LRSAM1: variants seen among roughly 807,000 people sequenced by gnomAD.
LRSAM1 encodes the protein E3 ubiquitin-protein ligase LRSAM1.
Under a neutral mutation model 118.1 loss-of-function variants are expected in LRSAM1, and 96 were observed. The ratio of observed to expected loss-of-function variants is 0.81; its 90% CI spans 0.69 to 0.96. The LOEUF is 0.96. Among genes scored for constraint, LRSAM1 ranks in the 40% least tolerant of loss-of-function variants. The probability of loss-of-function intolerance (pLI) is 0.00; values close to 1 mark genes in which losing one functional copy is unlikely to be tolerated. For synonymous variants in LRSAM1, 322 were observed against 364.2 expected, an observed-to-expected ratio of 0.88 and a Z score of 1.32; for missense variants, 804 against 915.5, an observed-to-expected ratio of 0.88 and a Z score of 1.57.
At chr9:127,489,069 C>G (rs1835833496) in intron 18 of LRSAM1, among the ~76,000 whole-genome samples, 1 of 152,176 alleles carries the variant, frequency 6.6e-6, no homozygotes, top group Non-Finnish European at 1.5e-5. Context: ...TTCTCCATTT[C>G]TCAGAGGAGG....
At chr9:127,490,759 A>T (rs1442835467) in intron 19 of LRSAM1, among the ~76,000 whole-genome samples, 1 of 152,184 alleles carries the variant, frequency 6.6e-6, no homozygotes, top group Non-Finnish European at 1.5e-5. Flanking sequence ...AAGACATACC[A>T]GCTACTACTA....
chr9:127,501,500 GGC>G (rs1836392025), intron 25 of LRSAM1, among the ~76,000 whole-genome samples: 1 of 152,154 alleles, frequency 6.6e-6, no homozygotes, highest in Non-Finnish European at 1.5e-5. Flanking sequence ...TGGAGGCCAA[GGC>G]AGGTGGATCA....
intron 10 of LRSAM1, among the ~76,000 whole-genome samples, chr9:127,469,320 A>G (rs1835076495): frequency 6.6e-6 from 1 of 152,054 alleles, no homozygotes; most frequent in Non-Finnish European, 1.5e-5. Flanking sequence ...AAATACAAAA[A>G]CTAACTGGGC....
intron 20 of LRSAM1, 106 bp from the exon 21 acceptor site, chr9:127,492,696 C>T: frequency 9.7e-7 from 1 of 1,032,332 alleles, no homozygotes; most frequent in Non-Finnish European, 1.5e-6. Flanking sequence ...AGGCATTGGG[C>T]AGAGAACCGA....
At chr9:127,454,944 A>G (rs1197907908) in intron 3 of LRSAM1, 54 bp from the exon 4 acceptor site, 2 of 1,535,780 alleles carry the variant, frequency 1.3e-6, no homozygotes, top group Non-Finnish European at 1.8e-6. Flanking sequence ...TGGCTTGTCC[A>G]CTCTGCAAAG....
chr9:127,499,380 C>CA (rs1313346674), intron 24 of LRSAM1, among the ~76,000 whole-genome samples: 4 of 150,710 alleles, frequency 2.7e-5, no homozygotes, highest in South Asian at 2.1e-4. Flanking sequence ...AAAAACAAAA[C>CA]AAAAAAATTA....
In LRSAM1 at chr9:127,489,468, G is replaced by A. The variant is rs751875555; in HGVS notation, c.1372G>A (p.Glu458Lys). The A allele has an allele frequency of 1.4e-5, 22 of 1,609,824 alleles. No homozygotes were observed. Among genetic ancestry groups the A allele is most frequent in the African/African-American group, 4.0e-5 (3 of 74,938 alleles). The change falls in exon 19 of 26, where the codon GAG becomes AAG. Residue 458 changes from glutamate (E) to lysine (K), a missense_variant. By Grantham distance (56) the Glu-to-Lys change is moderately conservative. Coordinates refer to ENST00000300417, the MANE Select transcript of LRSAM1 (RefSeq NM_001005373.4). Reference protein sequence around the residue: ...QESAMQKAAFEALQVKKDLMH... With the variant: ...QESAMQKAAFKALQVKKDLMH... ...GAGCGCGATGCAGAAGGCTGCGTTC[G>A]AGGCACTCCAGGTGAAGAAAGACCT...
intron 17 of LRSAM1, 104 bp from the exon 18 acceptor site, chr9:127,487,572 C>T (rs989059511): frequency 2.9e-6 from 3 of 1,033,882 alleles, no homozygotes; most frequent in Non-Finnish European, 1.5e-6. Flanking sequence ...TGAATGTGGT[C>T]CACTGAAGAA....
intron 9 of LRSAM1, among the ~76,000 whole-genome samples, chr9:127,466,504 A>ATAT (rs1554755061): frequency 2.7e-3 from 65 of 24,518 alleles, no homozygotes; most frequent in Non-Finnish European, 3.7e-3. Flanking sequence ...ATATATATAT[A>ATAT]TTTTTTTTTT....
rs1431053153 is a variant in LRSAM1 at position 127,465,848 on chromosome 9, C to T, written c.529-1892C>T. On this transcript the variant is annotated intron_variant, in intron 9 of 25. Transcript: ENST00000300417. The surrounding 1 kb of genome is among the most constrained non-coding windows in gnomAD (Gnocchi z 4.1). The stretch of plus-strand genomic sequence containing the variant: ...TTGGCAGCGGGAGGGCAGGGTCCAA[C>T]ACAACTCACACCGTGGATGGGGCAG... Among the ~76,000 whole-genome samples, 1 of 152,212 alleles carries T rather than the reference C, an allele frequency of 6.6e-6. No individual in the cohort carries two copies. Among genetic ancestry groups the T allele is most frequent in the African/African-American group, 2.4e-5 (1 of 41,444 alleles).
chr9:127,480,017 C>T, intron 14 of LRSAM1, 39 bp downstream of exon 14: 2 of 1,614,036 alleles, frequency 1.2e-6, no homozygotes, highest in African/African-American at 1.3e-5. Context: ...CAGAGTCCTT[C>T]CCCGTGCAGT....
chr9:127,502,961 C>T lies in LRSAM1; in HGVS notation c.*62C>T. 6.5e-7 allele frequency: 1 copy of T among 1,548,534 alleles called. No individual in the cohort carries two copies. Among genetic ancestry groups the T allele is most frequent in the Non-Finnish European group, 8.7e-7 (1 of 1,147,616 alleles). ...CCTCGGCCACTGTGAGCCCCGGGCT[C>T]CTGCTCAGCCTTGTGCCAGCCAGAC... On this transcript the variant is annotated 3_prime_UTR_variant, in exon 26 of 26. Transcript: ENST00000300417.
At chr9:127,467,082 C>T (rs796292251) in intron 9 of LRSAM1, among the ~76,000 whole-genome samples, 2 of 152,088 alleles carry the variant, frequency 1.3e-5, no homozygotes, top group South Asian at 2.1e-4. Flanking sequence ...TTGAGGAGTC[C>T]TTTATTAGCT....
At chr9:127,451,751 C>T (rs1834329271) in intron 1 of LRSAM1, 82 bp downstream of exon 1, 1 of 198,066 alleles carries the variant, frequency 5.0e-6, no homozygotes, top group Admixed American at 5.5e-5. Context: ...TTCCGAGACC[C>T]CAGTACCGCG....
Position 127,479,394 on chromosome 9 carries a change from G to A in LRSAM1, c.792G>A (p.Met264Ile), listed in dbSNP as rs773572737. 3 of 1,614,212 alleles carry A rather than the reference G, an allele frequency of 1.9e-6. No homozygotes were observed. Among genetic ancestry groups the A allele is most frequent in the Admixed American group, 3.3e-5 (2 of 60,026 alleles). ...TCTGTGTCTTGCAGGAACAGAAGAT[G>A]CTGGAGAAACTCGAGTTTGAACGGC... ...SDYEKRKEQK[M>I]LEKLEFERRL... The change falls in exon 13 of 26, where the codon ATG (methionine) becomes ATA (isoleucine). Residue 264 changes from methionine (M) to isoleucine (I), a missense_variant. Coordinates refer to ENST00000300417, the MANE Select transcript of LRSAM1 (RefSeq NM_001005373.4).
At chr9:127,492,780 C>T (rs773280050) in intron 20 of LRSAM1, 22 bp from the exon 21 acceptor site, 48 of 1,609,424 alleles carry the variant, frequency 3.0e-5, no homozygotes, top group Middle Eastern at 1.7e-4. Flanking sequence ...CACGGTGGTG[C>T]GGGGTGTGGT....
intron 16 of LRSAM1, among the ~76,000 whole-genome samples, chr9:127,484,285 C>CTTTTTTTTT (rs1301004172): frequency 2.8e-5 from 4 of 141,842 alleles, no homozygotes; most frequent in African/African-American, 5.2e-5. Flanking sequence ...TTTTTTCCTG[C>CTTTTTTTTT]TTCTTTATTT....
At chr9:127,464,341 G>C (rs779903349) in intron 9 of LRSAM1, among the ~76,000 whole-genome samples, 6 of 151,264 alleles carry the variant, frequency 4.0e-5, no homozygotes, top group Non-Finnish European at 8.8e-5. Context: ...CACTGGCCAT[G>C]TGTATCTAAT....
At chr9:127,472,966 G>T (rs1045883480) in intron 10 of LRSAM1, among the ~76,000 whole-genome samples, 3 of 152,162 alleles carry the variant, frequency 2.0e-5, no homozygotes, top group Admixed American at 1.3e-4. Context: ...CCTGGGAAGA[G>T]GTCCCATCAG....
Sources: gnomAD v4.1 joint callset for allele counts (sites outside exome capture counted in the v4.1 genomes callset) on GRCh38, gnomAD v4.1.1 for gene constraint, Gnocchi (gnomAD v3.1) non-coding constraint, MANE v1.5 for transcripts, NCBI Gene and HGNC (gene_info 2026-07-23, HGNC 2026-07-21) for gene names.